Variants in ESD observed in about 807,000 individuals in gnomAD.
The protein encoded by ESD is S-formylglutathione hydrolase.
A neutral mutation model predicts 38.1 loss-of-function variants in ESD; 34 were observed. That is an observed-to-expected ratio of 0.89 (90% CI 0.68 to 1.19). The LOEUF is 1.19. Ranked by LOEUF, ESD falls within the 50% of genes most tolerant of loss-of-function variation. The pLI, the probability that ESD is intolerant of heterozygous loss-of-function variation, is 0.00. For synonymous variants in ESD, 97 were observed against 107.0 expected (o/e 0.91, Z 0.58); for missense variants, 334 against 327.2 (o/e 1.02, Z -0.16).
chr13:46,772,883 G>A lies in ESD; in HGVS notation c.769-1387C>T, dbSNP rs550314863. On this transcript the variant is annotated intron_variant, in intron 9 of 9. Transcript: ENST00000378720. ...GTATTTTTAGTAGAGACGGGGTTTCGCCATGTTAGCCAGGATGGTCTCGAT... is the reference window on the plus strand; with the variant it reads ...GTATTTTTAGTAGAGACGGGGTTTCACCATGTTAGCCAGGATGGTCTCGAT... 2.4e-4 allele frequency among the ~76,000 whole-genome samples: 37 copies of A among 151,964 alleles called. No homozygotes were observed. In the South Asian group the frequency reaches 2.5e-3, roughly 10 times the overall value.
chr13:46,779,369 T>G (rs1593405587), intron 8 of ESD, among the ~76,000 whole-genome samples: 1 of 151,650 alleles, frequency 6.6e-6, no homozygotes, highest in African/African-American at 2.4e-5. Context: ...CTAAATTTAG[T>G]AACACAGGTT....
intron 2 of ESD, among the ~76,000 whole-genome samples, chr13:46,792,138 GA>G (rs1566284597): frequency 6.6e-6 from 1 of 151,894 alleles, no homozygotes; most frequent in African/African-American, 2.4e-5. Context: ...ATAAATACAG[GA>G]AAAAAGTTGG....
At chr13:46,796,969 C>A in intron 1 of ESD, 136 bp downstream of exon 1, 1 of 152,540 alleles carries the variant, frequency 6.6e-6, no homozygotes, top group Non-Finnish European at 1.5e-5. Context: ...GCCCAAGGCC[C>A]AGGGTCGCCG....
At chr13:46,775,623 T>C (rs1237937349) in intron 9 of ESD, 1 of 470,632 alleles carries the variant, frequency 2.1e-6, no homozygotes, top group Non-Finnish European at 4.4e-6. Flanking sequence ...CATTCAGTTG[T>C]TGATTCAATT....
intron 6 of ESD, 27 bp downstream of exon 6, chr13:46,782,640 T>C (rs773746308): frequency 6.2e-7 from 1 of 1,606,650 alleles, no homozygotes; most frequent in South Asian, 1.1e-5. Context: ...AGTCATCAAT[T>C]AATAATTACA....
At chr13:46,784,183 T>A (rs1875108532) in intron 5 of ESD, 69 bp downstream of exon 5, 1 of 1,224,520 alleles carries the variant, frequency 8.2e-7, no homozygotes, top group South Asian at 1.3e-5. Flanking sequence ...AATGTATATA[T>A]CATACCACTT....
At position 46,791,253 on chromosome 13, in the gene ESD, G is replaced by C. The variant is rs997167; in HGVS notation, c.68+93C>G. ...TAAGCAAGTTTAAAAGTAAAATGAG[G>C]TACTATAATATCTAGATAAAGATTG... On this transcript the variant is annotated intron_variant, in intron 3 of 9. Coordinates refer to ENST00000378720, the MANE Select transcript of ESD (RefSeq NM_001984.2). The C allele has an allele frequency of 5.8e-6, 5 of 860,522 alleles. No homozygotes were observed. In the African/African-American group the frequency reaches 8.6e-5, roughly 15 times the overall value. The allele number at this position is 860,522 out of a possible 1,614,324, so 53.3% of individuals were successfully genotyped here.
intron 2 of ESD, among the ~76,000 whole-genome samples, chr13:46,793,076 C>A (rs1399602372): frequency 6.6e-6 from 1 of 151,942 alleles, no homozygotes; most frequent in South Asian, 2.1e-4. Context: ...CCAGAAGAAA[C>A]AAGATTAAAA....
At chr13:46,775,361 G>C (rs1874755727) in intron 9 of ESD, 1 of 192,436 alleles carries the variant, frequency 5.2e-6, no homozygotes, top group African/African-American at 2.4e-5. Context: ...GTAAAAGAAT[G>C]AAGTTGAGTA....
chr13:46,784,393 A>T, intron 4 of ESD, 43 bp from the exon 5 acceptor site: 1 of 1,370,572 alleles, frequency 7.3e-7, no homozygotes, highest in Non-Finnish European at 1.0e-6. Flanking sequence ...ATGGACATGA[A>T]GATGTGCACC....
At chr13:46,774,067 G>A (rs1874703233) in intron 9 of ESD, among the ~76,000 whole-genome samples, 1 of 152,114 alleles carries the variant, frequency 6.6e-6, no homozygotes, top group Non-Finnish European at 1.5e-5. Flanking sequence ...AAAGACTTGT[G>A]TGACCAAGTT....
rs1300811364 is a variant in ESD, at chr13:46,778,933, G to A, written c.600+1002C>T. On this transcript the variant is annotated intron_variant, in intron 8 of 9. Transcript: ENST00000378720. Reference sequence around the variant, plus strand: ...ATCCTTACATAAAATAGGGGTTCATGTAGGAATGAACCCTGAACACAGAAC... The same window carrying A: ...ATCCTTACATAAAATAGGGGTTCATATAGGAATGAACCCTGAACACAGAAC... Among the ~76,000 whole-genome samples the A allele has an allele frequency of 2.6e-5, 4 of 151,922 alleles. No individual in the cohort carries two copies. In the East Asian group the frequency reaches 7.7e-4, roughly 29 times the overall value.
At chr13:46,794,480 C>T (rs181411040) in intron 1 of ESD, among the ~76,000 whole-genome samples, 9 of 151,744 alleles carry the variant, frequency 5.9e-5, no homozygotes, top group East Asian at 3.9e-4. Context: ...ACTACAGGTG[C>T]GTACCACACT....
At chr13:46,786,882 A>G (rs1009986035) in intron 4 of ESD, 139 bp downstream of exon 4, 1 of 419,058 alleles carries the variant, frequency 2.4e-6, no homozygotes, top group African/African-American at 2.0e-5. Flanking sequence ...GATAAAAGTA[A>G]CAGAGTAGAC....
chr13:46,771,861 G>A (rs1353607647), intron 9 of ESD, among the ~76,000 whole-genome samples: 3 of 152,068 alleles, frequency 2.0e-5, no homozygotes, highest in Admixed American at 2.0e-4. Context: ...AGTAGACACT[G>A]TCATTGAAAA....
At chr13:46,795,756 C>CT (rs201133945) in intron 1 of ESD, among the ~76,000 whole-genome samples, 1,551 of 143,352 alleles carry the variant, frequency 0.011, 4 homozygotes, top group Middle Eastern at 0.025. Flanking sequence ...TTTTTTTCTT[C>CT]TTTTTTTTTT....
intron 8 of ESD, 150 bp downstream of exon 8, chr13:46,779,785 G>T: frequency 5.6e-6 from 1 of 178,634 alleles, no homozygotes; most frequent in Non-Finnish European, 1.1e-5. Context: ...CTCATATATT[G>T]ATATATATAT....
Position 46,782,808 on chromosome 13 carries a change from T to G in ESD, c.257-17A>C, listed in dbSNP as rs755948929. ...TGCAGCCACCTATCAAGAAACAATC[T>G]TGTGGTTTCATCTGCTCTGTAGTAA... On this transcript the variant is annotated splice_polypyrimidine_tract_variant and intron_variant, in intron 5 of 9. Transcript: ENST00000378720. 1.2e-6 allele frequency: 2 copies of G among 1,611,348 alleles called. No homozygotes were observed. The highest frequency in any genetic ancestry group is 2.2e-5 in the South Asian group (2 of 90,934).
At chr13:46,784,147 C>A (rs1875106781) in intron 5 of ESD, 105 bp downstream of exon 5, 1 of 867,720 alleles carries the variant, frequency 1.2e-6, no homozygotes, top group South Asian at 1.9e-5. Flanking sequence ...ATAGAGATAA[C>A]AGCAAAAATA....
Sources: allele counts gnomAD v4.1 joint callset (sites outside exome capture counted in the v4.1 genomes callset), GRCh38; gene constraint gnomAD v4.1.1; transcripts MANE v1.5; gene names NCBI Gene and HGNC (gene_info 2026-07-23, HGNC 2026-07-21).